MVB12B: variants seen among roughly 807,000 people sequenced by gnomAD.
MVB12B encodes multivesicular body subunit 12B, also known as ESCRT-I complex subunit MVB12B.
In MVB12B, 16 loss-of-function variants were observed where a neutral mutation model predicts 41.6. The ratio of observed to expected loss-of-function variants is 0.38; its 90% CI spans 0.26 to 0.58. MVB12B has a LOEUF of 0.58. Ranked by LOEUF, MVB12B falls within the 20% of genes least tolerant of loss-of-function variation. The pLI is 0.62. For missense variants in MVB12B, 274 were observed against 380.2 expected, an observed-to-expected ratio of 0.72 and a Z score of 2.32; for synonymous variants, 133 against 139.7, an observed-to-expected ratio of 0.95 and a Z score of 0.34.
At chr9:126,412,443 T>C (rs541786896) in intron 6 of MVB12B, among the ~76,000 whole-genome samples, 15 of 152,306 alleles carry the variant, frequency 9.8e-5, no homozygotes, top group African/African-American at 3.6e-4. Flanking sequence ...ACATGACCTC[T>C]GGTCTTTGTC....
At chr9:126,441,732 T>C (rs1832645510) in intron 7 of MVB12B, among the ~76,000 whole-genome samples, 1 of 152,206 alleles carries the variant, frequency 6.6e-6, no homozygotes, top group Non-Finnish European at 1.5e-5. Flanking sequence ...GTTTGATCCA[T>C]GTGGAAATTG....
At chr9:126,420,753 G>A (rs1045369618) in intron 6 of MVB12B, among the ~76,000 whole-genome samples, 1 of 151,862 alleles carries the variant, frequency 6.6e-6, no homozygotes, top group African/African-American at 2.4e-5. Flanking sequence ...ATGTTGGCCA[G>A]ACTGGTGTCA....
At chr9:126,467,381 C>G (rs2052158) in intron 7 of MVB12B, among the ~76,000 whole-genome samples, 2 of 152,102 alleles carry the variant, frequency 1.3e-5, no homozygotes, top group African/African-American at 2.4e-5. Flanking sequence ...GCTGGTGTGA[C>G]CCAGTACTGG....
intron 7 of MVB12B, among the ~76,000 whole-genome samples, chr9:126,458,338 A>G (rs1203336979): frequency 6.6e-6 from 1 of 152,056 alleles, no homozygotes. Context: ...ACCACACCAC[A>G]CGTTTGTGTG....
chr9:126,493,547 T>C (rs1376377970), intron 9 of MVB12B, among the ~76,000 whole-genome samples: 1 of 152,218 alleles, frequency 6.6e-6, no homozygotes, highest in Non-Finnish European at 1.5e-5. Context: ...CTTTAGAATC[T>C]TGGGGGCGAA....
intron 6 of MVB12B, among the ~76,000 whole-genome samples, chr9:126,409,019 C>G (rs930202969): frequency 1.1e-4 from 17 of 152,164 alleles, no homozygotes; most frequent in African/African-American, 3.6e-4. Context: ...CACCTTGCCT[C>G]AAATCGGCCT....
At chr9:126,493,127 T>C (rs1833767922) in intron 9 of MVB12B, among the ~76,000 whole-genome samples, 1 of 152,188 alleles carries the variant, frequency 6.6e-6, no homozygotes, top group Admixed American at 6.5e-5. Context: ...CAATTTTCTC[T>C]GTTTATTTGG....
chr9:126,441,695 A>G (rs1389541646), intron 7 of MVB12B, among the ~76,000 whole-genome samples: 2 of 149,056 alleles, frequency 1.3e-5, no homozygotes, highest in East Asian at 1.9e-4. Flanking sequence ...ACAAAGCACA[A>G]TTTCCCTAAT....
chr9:126,363,537 C>G (rs1253186861), intron 2 of MVB12B, among the ~76,000 whole-genome samples: 5 of 152,220 alleles, frequency 3.3e-5, no homozygotes, highest in African/African-American at 9.7e-5. Context: ...CCAGTCTTCC[C>G]TGAACTGTTG....
chr9:126,377,998 A>G (rs1002202097), intron 2 of MVB12B, among the ~76,000 whole-genome samples: 7 of 152,202 alleles, frequency 4.6e-5, no homozygotes, highest in African/African-American at 1.7e-4. Flanking sequence ...GCCCGCAGGG[A>G]AAGGCAGCAT....
intron 7 of MVB12B, among the ~76,000 whole-genome samples, chr9:126,479,685 CTCTG>C (rs1326537876): frequency 2.6e-5 from 4 of 152,320 alleles, no homozygotes; most frequent in South Asian, 2.1e-4. Flanking sequence ...GACCAGGAGT[CTCTG>C]TCTAAGTCCA....
Position 126,326,968 on chromosome 9 carries a change from G to C in MVB12B, c.39G>C (p.Pro13=), listed in dbSNP as rs1463429192. The C allele has an allele frequency of 3.9e-6, 1 of 253,412 alleles. No homozygotes were observed. The highest frequency in any genetic ancestry group is 8.0e-6 in the Non-Finnish European group (1 of 125,370). 15.7% of individuals were successfully genotyped at this position (253,412 alleles called of 1,614,324 possible). A position where few individuals can be genotyped will look rare whatever the true frequency, so the allele number is the denominator to read the frequency against. ...SCFCVRRSRD[P]PPPQPPPPPP... ...TCTGCGTGAGACGGAGCCGGGACCC[G>C]CCGCCGCCGCAGCCACCGCCGCCGC... Residue 13 remains proline (P), a synonymous_variant, in exon 1 of 10, where the codon CCG becomes CCC. Coordinates refer to ENST00000361171, the MANE Select transcript of MVB12B (RefSeq NM_033446.3).
At chr9:126,413,770 T>C (rs1209179020) in intron 6 of MVB12B, among the ~76,000 whole-genome samples, 2 of 152,114 alleles carry the variant, frequency 1.3e-5, no homozygotes, top group Non-Finnish European at 2.9e-5. Flanking sequence ...TTTGCCAGGA[T>C]GTATCCTCTT....
Position 126,478,736 on chromosome 9 carries a change from G to T in MVB12B, c.758-2633G>T, listed in dbSNP as rs1588202374. Among the ~76,000 whole-genome samples the T allele has an allele frequency of 1.3e-5, 2 of 152,154 alleles. No homozygotes were observed. The highest frequency in any genetic ancestry group is 3.9e-4 in the East Asian group (2 of 5,150). ...TGACTAGGGAGGCCTCCCATGGGAG[G>T]AGCCCCCTTCCTCTCTGCCACCCCC... is the stretch of plus-strand genomic sequence containing the variant. On this transcript the variant is annotated intron_variant, in intron 7 of 9. Coordinates refer to ENST00000361171, the MANE Select transcript of MVB12B (RefSeq NM_033446.3). The surrounding 1 kb of genome is among the most constrained non-coding windows in gnomAD (Gnocchi z 4.2).
At chr9:126,500,745 G>A (rs1564354253) in intron 9 of MVB12B, among the ~76,000 whole-genome samples, 1 of 152,192 alleles carries the variant, frequency 6.6e-6, no homozygotes, top group East Asian at 1.9e-4. Flanking sequence ...ATGTGTGCCC[G>A]TGGCACTCTC....
At chr9:126,362,689 C>G (rs1462492638) in intron 2 of MVB12B, among the ~76,000 whole-genome samples, 1 of 152,142 alleles carries the variant, frequency 6.6e-6, no homozygotes, top group South Asian at 2.1e-4. Context: ...TCTCAAATTA[C>G]CAAGGAACAG....
At chr9:126,455,887 CTTTTTTTTTT>C (rs3983803) in intron 7 of MVB12B, among the ~76,000 whole-genome samples, 1 of 103,052 alleles carries the variant, frequency 9.7e-6, no homozygotes, top group African/African-American at 4.0e-5. Flanking sequence ...TTCTTTCTTT[CTTTTTTTTTT>C]TTTTTTTTTT....
intron 2 of MVB12B, among the ~76,000 whole-genome samples, chr9:126,378,726 T>A (rs1376559896): frequency 6.6e-6 from 1 of 152,046 alleles, no homozygotes; most frequent in Non-Finnish European, 1.5e-5. Flanking sequence ...TGCAAATGAG[T>A]TTGGGCCCAG....
intron 7 of MVB12B, among the ~76,000 whole-genome samples, chr9:126,445,725 G>C (rs1832749937): frequency 6.6e-6 from 1 of 151,682 alleles, no homozygotes; most frequent in Non-Finnish European, 1.5e-5. Context: ...CAAACTCCTG[G>C]CCTCAAACAG....
Sources: gnomAD v4.1 joint callset for allele counts (sites outside exome capture counted in the v4.1 genomes callset) on GRCh38, gnomAD v4.1.1 for gene constraint, Gnocchi (gnomAD v3.1) non-coding constraint, MANE v1.5 for transcripts, NCBI Gene and HGNC (gene_info 2026-07-23, HGNC 2026-07-21) for gene names.